DGKQ: variants seen among roughly 807,000 people sequenced by gnomAD.
The protein encoded by DGKQ is DAG kinase theta.
In DGKQ, 97 loss-of-function variants were observed where a neutral mutation model predicts 104.2. That is an observed-to-expected ratio of 0.93 (90% CI 0.79 to 1.10). The LOEUF is 1.10. DGKQ is among the 50% of genes least tolerant of loss of function. The probability of loss-of-function intolerance (pLI) is 0.00; values close to 1 mark genes in which losing one functional copy is unlikely to be tolerated. For missense variants in DGKQ, 1,465 were observed against 1,352.1 expected (o/e 1.08, Z -1.31); for synonymous variants, 736 against 595.2 (o/e 1.24, Z -3.44).
chr4:970,662 C>T lies in DGKQ; in HGVS notation c.351+331G>A, dbSNP rs552234308. Reference sequence around the variant, plus strand: ...CCAGATGCCGAAATCTCCATCCCCCCCAGGAGCCCTCACGCTGCATGTCAC... The same window carrying T: ...CCAGATGCCGAAATCTCCATCCCCCTCAGGAGCCCTCACGCTGCATGTCAC... On this transcript the variant is annotated intron_variant, in intron 2 of 22. Transcript: ENST00000273814. Among the ~76,000 whole-genome samples, 3 of 152,190 alleles carry T rather than the reference C, an allele frequency of 2.0e-5. No homozygotes were observed. The East Asian group carries it at 5.8e-4, about 29-fold the overall frequency.
At position 962,824 on chromosome 4, in the gene DGKQ, C is replaced by T. The variant is rs1346942555; in HGVS notation, c.1983G>A (p.Arg661=). 1 of 1,606,430 alleles carries T rather than the reference C, an allele frequency of 6.2e-7. No individual in the cohort carries two copies. The highest frequency in any genetic ancestry group is 8.5e-7 in the Non-Finnish European group (1 of 1,177,502). The change falls in exon 17 of 23, where the codon CGG becomes CGA. Residue 661 remains arginine, a synonymous_variant. Transcript: ENST00000273814. ...AAGGCTCCGGGCAGGCCAGTCGGTA[C>T]CGTGTCTCCTCCAGGGCGCCAAGCA... is the stretch of plus-strand genomic sequence containing the variant. The part of the protein sequence containing the change: ...GWVLGALEET[R]YRLACPEPSV...
At chr4:963,104 C>T (rs1440686731) in intron 16 of DGKQ, 35 bp downstream of exon 16, 2 of 1,570,558 alleles carry the variant, frequency 1.3e-6, no homozygotes, top group East Asian at 2.3e-5. Context: ...CCCGCCCCTG[C>T]TGCTGCCCTG....
chr4:972,214 G>C (rs529117223), intron 1 of DGKQ, among the ~76,000 whole-genome samples: 3 of 152,102 alleles, frequency 2.0e-5, no homozygotes, highest in Non-Finnish European at 2.9e-5. Context: ...GCCTCAAGTC[G>C]GGAGCTGCCT....
intron 12 of DGKQ, 132 bp from the exon 13 acceptor site, chr4:966,210 C>T (rs950288673): frequency 4.7e-5 from 50 of 1,059,686 alleles, no homozygotes; most frequent in Non-Finnish European, 5.5e-5. Context: ...AACAGGAAAA[C>T]GAGGAAAGGG....
In DGKQ at chr4:961,475, C is replaced by A. The variant is rs201971574; in HGVS notation, c.2566G>T (p.Val856Leu). ...LLEVVGVTGV[V>L]HMGQVQGGLR... ...CTCGGCCGGCGGCTCACCATGTGCA[C>A]GACGCCCGTCACGCCCACAACCTCC... Residue 856 changes from valine to leucine, a missense_variant, in exon 21 of 23, where the codon GTG becomes TTG. By Grantham distance (32) the Val-to-Leu change is conservative (BLOSUM62 1). Transcript: ENST00000273814. The A allele has an allele frequency of 1.3e-6, 2 of 1,598,186 alleles. No homozygotes were observed. Among genetic ancestry groups the A allele is most frequent in the South Asian group, 2.2e-5 (2 of 89,346 alleles).
chr4:964,783 C>A (rs896582938), intron 15 of DGKQ, among the ~76,000 whole-genome samples: 1 of 152,178 alleles, frequency 6.6e-6, no homozygotes, highest in Non-Finnish European at 1.5e-5. Context: ...GTCACAAACA[C>A]GCTCTGGCCC....
chr4:970,227 C>T (rs527268265), intron 2 of DGKQ, among the ~76,000 whole-genome samples: 6 of 152,398 alleles, frequency 3.9e-5, no homozygotes, highest in African/African-American at 1.4e-4. Flanking sequence ...GCTTCCCGTC[C>T]TGCTGCACAC....
chr4:961,653 G>C, intron 20 of DGKQ, 35 bp downstream of exon 20: 2 of 1,611,478 alleles, frequency 1.2e-6, no homozygotes, highest in Non-Finnish European at 1.7e-6. Flanking sequence ...TGGCCCCGCC[G>C]GGCAGAGCCT....
chr4:961,506 C>A lies in DGKQ; in HGVS notation c.2535G>T (p.Gly845=), dbSNP rs1038127187. ...CCGTCACGCCCACAACCTCCAGCAG[C>A]CCGTCGTCCATGCGTGGCTTCTCAA... The part of the protein sequence containing the change: ...TRFEKPRMDD[G]LLEVVGVTGV... The change falls in exon 21 of 23, where the codon GGG becomes GGT. Residue 845 remains glycine (G), a synonymous_variant. Coordinates refer to ENST00000273814, the MANE Select transcript of DGKQ (RefSeq NM_001347.4). 2.5e-6 allele frequency: 4 copies of A among 1,608,044 alleles called. No homozygotes were observed. The South Asian group carries it at 3.3e-5, about 13-fold the overall frequency.
At chr4:970,298 T>C (rs1042827903) in intron 2 of DGKQ, among the ~76,000 whole-genome samples, 3 of 152,236 alleles carry the variant, frequency 2.0e-5, no homozygotes, top group African/African-American at 4.8e-5. Context: ...GAATGCGGAC[T>C]TGGGGGGCCT....
rs544276842 is a variant in DGKQ at position 961,771 on chromosome 4, C to T, written c.2379G>A (p.Leu793=). The T allele has an allele frequency of 5.0e-6, 8 of 1,611,752 alleles. No homozygotes were observed. The Admixed American group carries it at 6.7e-5, about 13-fold the overall frequency. Residue 793 remains leucine (L), a synonymous_variant, in exon 20 of 23, where the codon CTG becomes CTA. Coordinates refer to ENST00000273814, the MANE Select transcript of DGKQ (RefSeq NM_001347.4). The part of the protein sequence containing the change: ...GLQKISHSRS[L]HKQIRLQVER... ...CCACCTGCAGCCGGATCTGCTTGTG[C>T]AGGCTCCGAGAGTGACTGATCTTCT... is the stretch of plus-strand genomic sequence containing the variant.
chr4:965,140 G>T, intron 15 of DGKQ, 36 bp downstream of exon 15: 1 of 1,576,156 alleles, frequency 6.3e-7, no homozygotes, highest in Admixed American at 1.7e-5. Flanking sequence ...GCCACCCCCT[G>T]GGGTGTGTGA....
Position 960,466 on chromosome 4 carries a change from G to A in DGKQ, c.*154C>T, listed in dbSNP as rs915236131. ...CACCAATGGGATGAGGGCGGGTCCC[G>A]CTCCGTCACTGGGAAGATGCTGTGG... On this transcript the variant is annotated 3_prime_UTR_variant, in exon 23 of 23. Transcript: ENST00000273814. 7.5e-5 allele frequency: 50 copies of A among 662,940 alleles called. No homozygotes were observed. The highest frequency in any genetic ancestry group is 2.0e-4 in the Admixed American group (8 of 39,402). The allele number at this position is 662,940 out of a possible 1,614,324, so 41.1% of individuals were successfully genotyped here.
chr4:971,169 A>G lies in DGKQ; in HGVS notation c.272-97T>C. ...CCCCAGGGCAATGACTGCCATACCCACCATGCTGCACCAGGGGCCCTGTGG... is the reference window on the plus strand; with the variant it reads ...CCCCAGGGCAATGACTGCCATACCCGCCATGCTGCACCAGGGGCCCTGTGG... On this transcript the variant is annotated intron_variant, in intron 1 of 22. Coordinates refer to ENST00000273814, the MANE Select transcript of DGKQ (RefSeq NM_001347.4). The surrounding 1 kb of genome is among the most constrained non-coding windows in gnomAD (Gnocchi z 4.0). 1.2e-6 allele frequency: 1 copy of G among 822,778 alleles called. No individual in the cohort carries two copies. Among genetic ancestry groups the G allele is most frequent in the Non-Finnish European group, 2.0e-6 (1 of 505,806 alleles). The allele number at this position is 822,778 out of a possible 1,614,324, so 51.0% of individuals were successfully genotyped here. A position where few individuals can be genotyped will look rare whatever the true frequency, so the allele number is the denominator to read the frequency against.
At chr4:961,667 G>C in intron 20 of DGKQ, 21 bp downstream of exon 20, 1 of 1,612,016 alleles carries the variant, frequency 6.2e-7, no homozygotes, top group South Asian at 1.1e-5. Flanking sequence ...AGAGCCTCTG[G>C]GGAGCCCCGC....
At position 966,541 on chromosome 4, in the gene DGKQ, G is replaced by A; in HGVS notation, c.1367-14C>T. ...TCGTCCGCTGGACTGCAGAGGTGAG[G>A]GCACAGGCCGTCAGCACCCGGCTCC... On this transcript the variant is annotated splice_polypyrimidine_tract_variant and intron_variant, in intron 11 of 22. Coordinates refer to ENST00000273814, the MANE Select transcript of DGKQ (RefSeq NM_001347.4). The A allele has an allele frequency of 6.2e-6, 10 of 1,609,540 alleles. No individual in the cohort carries two copies. The highest frequency in any genetic ancestry group is 3.3e-5 in the Admixed American group (2 of 59,902).
Position 965,497 on chromosome 4 carries a change from A to G in DGKQ, c.1612T>C (p.Ser538Pro). 1.2e-6 allele frequency: 2 copies of G among 1,611,752 alleles called. No homozygotes were observed. Among genetic ancestry groups the G allele is most frequent in the Non-Finnish European group, 1.7e-6 (2 of 1,179,516 alleles). Residue 538 changes from serine to proline, a missense_variant, in exon 14 of 23, where the codon TCC (serine) becomes CCC (proline). Physicochemically the swap from Ser to Pro is moderately conservative, Grantham distance 74 (BLOSUM62 -1). Coordinates refer to ENST00000273814, the MANE Select transcript of DGKQ (RefSeq NM_001347.4). ...TVVSVSHIYS[S>P]QGAVVLDVAC... The stretch of plus-strand genomic sequence containing the variant: ...GTCCCTCAGGGCAGCTCACCTTGGG[A>G]GGAGTAGATGTGACTCACGGACACC...
chr4:967,535 A>C lies in DGKQ; in HGVS notation c.987+14T>G. ...CTGGGAGGGGGCTCAGACCTCCCCC[A>C]GCCTCCCCCTTACCAGCACCTCCTC... On this transcript the variant is annotated intron_variant, in intron 8 of 22. Coordinates refer to ENST00000273814, the MANE Select transcript of DGKQ (RefSeq NM_001347.4). 6.2e-7 allele frequency: 1 copy of C among 1,609,932 alleles called. No individual in the cohort carries two copies. Among genetic ancestry groups the C allele is most frequent in the Non-Finnish European group, 8.5e-7 (1 of 1,178,052 alleles).
intron 15 of DGKQ, among the ~76,000 whole-genome samples, chr4:963,771 C>T (rs1451735005): frequency 1.3e-5 from 2 of 152,170 alleles, no homozygotes; most frequent in Non-Finnish European, 2.9e-5. Flanking sequence ...CACAGGGTGG[C>T]ACGCGGCGTC....
Sources: gnomAD v4.1 joint callset for allele counts (sites outside exome capture counted in the v4.1 genomes callset) on GRCh38, gnomAD v4.1.1 for gene constraint, Gnocchi (gnomAD v3.1) non-coding constraint, MANE v1.5 for transcripts, NCBI Gene and HGNC (gene_info 2026-07-23, HGNC 2026-07-21) for gene names.